RAB23: variants seen among roughly 807,000 people sequenced by gnomAD.
RAB23 encodes ras-related protein Rab-23.
RAB23 carries 15 observed loss-of-function variants against 30.0 expected under a neutral mutation model. That is an observed-to-expected ratio of 0.50 (90% CI 0.33 to 0.77). The LOEUF (loss-of-function observed/expected upper bound fraction) is 0.77. Among genes scored for constraint, RAB23 ranks in the 30% least tolerant of loss-of-function variants. The pLI, the probability that RAB23 is intolerant of heterozygous loss-of-function variation, is 0.02. For synonymous variants in RAB23, 93 were observed against 94.0 expected (o/e 0.99, Z 0.06); for missense variants, 243 against 275.4 (o/e 0.88, Z 0.83).
At position 57,190,430 on chromosome 6, in the gene RAB23, T is replaced by C. The variant is rs761761141; in HGVS notation, c.*31A>G. 4 of 1,612,108 alleles carry C rather than the reference T, an allele frequency of 2.5e-6. No individual in the cohort carries two copies. The East Asian group carries it at 8.9e-5, about 36-fold the overall frequency. ...ATGGGTTTCTTAATGCATTGCACAA[T>C]GTAATTCAATTGTTTTCCTCCCAAA... is the stretch of plus-strand genomic sequence containing the variant. On this transcript the variant is annotated 3_prime_UTR_variant, in exon 7 of 7. Transcript: ENST00000468148.
At chr6:57,200,447 G>GAATCACT (rs1317364127) in intron 3 of RAB23, among the ~76,000 whole-genome samples, 2 of 140,622 alleles carry the variant, frequency 1.4e-5, no homozygotes, top group African/African-American at 5.4e-5. Context: ...TGAGGCAGGA[G>GAATCACT]AATCACTTGA....
At chr6:57,207,519 A>T in intron 3 of RAB23, 109 bp downstream of exon 3, 1 of 738,944 alleles carries the variant, frequency 1.4e-6, no homozygotes, top group Non-Finnish European at 2.3e-6. Context: ...AAATTATTTT[A>T]ACTATTCTTC....
chr6:57,214,995 C>A (rs552947509), intron 1 of RAB23, among the ~76,000 whole-genome samples: 10 of 151,994 alleles, frequency 6.6e-5, no homozygotes, highest in Non-Finnish European at 8.8e-5. Flanking sequence ...TAAAGAAGTA[C>A]CAAATGGAAA....
chr6:57,193,074 G>T (rs998621491), intron 6 of RAB23, among the ~76,000 whole-genome samples: 3 of 152,122 alleles, frequency 2.0e-5, no homozygotes, highest in African/African-American at 4.8e-5. Context: ...TTAATCAGTA[G>T]ATATGAAGAA....
At chr6:57,205,727 G>A (rs1380295307) in intron 3 of RAB23, among the ~76,000 whole-genome samples, 2 of 152,172 alleles carry the variant, frequency 1.3e-5, no homozygotes, top group Non-Finnish European at 2.9e-5. Context: ...TTTCTCAAGG[G>A]TGAAGTACAA....
intron 1 of RAB23, among the ~76,000 whole-genome samples, chr6:57,212,948 A>G (rs1404453956): frequency 5.9e-5 from 9 of 151,954 alleles, no homozygotes; most frequent in Admixed American, 2.6e-4. Context: ...TGAGTATACG[A>G]TCAGATGGTC....
chr6:57,210,524 ACATTG>A, intron 1 of RAB23, 79 bp from the exon 2 acceptor site: 1 of 910,298 alleles, frequency 1.1e-6, no homozygotes, highest in Non-Finnish European at 1.7e-6. Flanking sequence ...AGAAATTATC[ACATTG>A]CATTGCAAGG....
Position 57,210,403 on chromosome 6 carries a change from G to A in RAB23, c.-23C>T, listed in dbSNP as rs145059995. 7.2e-4 allele frequency: 1,155 copies of A among 1,611,336 alleles called. 10 individuals carry two copies. In the African/African-American group the frequency reaches 0.014, roughly 20 times the overall value. ...CATTTTTGGAGCTGAAATGGTTTCT[G>A]TACCAACTCTAATTCTAGGAGATCA... On this transcript the variant is annotated 5_prime_UTR_variant, in exon 2 of 7. Transcript: ENST00000468148.
At chr6:57,211,659 G>A (rs1160639722) in intron 1 of RAB23, among the ~76,000 whole-genome samples, 1 of 152,158 alleles carries the variant, frequency 6.6e-6, no homozygotes, top group Admixed American at 6.5e-5. Context: ...TAATGATTTA[G>A]TGTTTGGTTT....
chr6:57,188,071 T>C lies in RAB23; in HGVS notation c.*2390A>G, dbSNP rs1764678239. 1 of 152,156 alleles carries C rather than the reference T, an allele frequency of 6.6e-6. No homozygotes were observed. The highest frequency in any genetic ancestry group is 1.5e-5 in the Non-Finnish European group (1 of 68,012). The allele number at this position is 152,156 out of a possible 1,614,324, so 9.4% of individuals were successfully genotyped here. A position where few individuals can be genotyped will look rare whatever the true frequency, so the allele number is the denominator to read the frequency against. ...TGTCTACGCAAAAGATTAGCCGTAA[T>C]GTTAAAAAAGTAGATTAGAGCACAA... On this transcript the variant is annotated 3_prime_UTR_variant, in exon 7 of 7. Coordinates refer to ENST00000468148, the MANE Select transcript of RAB23 (RefSeq NM_016277.5).
At chr6:57,216,388 C>A (rs1457756922) in intron 1 of RAB23, among the ~76,000 whole-genome samples, 1 of 152,196 alleles carries the variant, frequency 6.6e-6, no homozygotes, top group African/African-American at 2.4e-5. Flanking sequence ...AAATGGAATT[C>A]TAAAAACACA....
chr6:57,213,236 G>A (rs1313524966), intron 1 of RAB23, among the ~76,000 whole-genome samples: 1 of 152,112 alleles, frequency 6.6e-6, no homozygotes, highest in Non-Finnish European at 1.5e-5. Context: ...GGTAATGCTC[G>A]CAGCCACTCA....
At chr6:57,195,099 G>A (rs1764972373) in intron 4 of RAB23, among the ~76,000 whole-genome samples, 3 of 152,080 alleles carry the variant, frequency 2.0e-5, no homozygotes, top group African/African-American at 7.2e-5. Flanking sequence ...CACTACTCTT[G>A]AGAAATAAAC....
At chr6:57,207,910 A>G (rs1321456587) in intron 2 of RAB23, among the ~76,000 whole-genome samples, 197 bp from the exon 3 acceptor site, 2 of 152,180 alleles carry the variant, frequency 1.3e-5, no homozygotes, top group Non-Finnish European at 2.9e-5. Context: ...AGGAGTCAAA[A>G]ATGCATTTAA....
chr6:57,194,722 A>C (rs1439640028), intron 5 of RAB23, 48 bp downstream of exon 5: 1 of 1,355,260 alleles, frequency 7.4e-7, no homozygotes. Flanking sequence ...TTAAAAGCGC[A>C]AGAATAAAAT....
At position 57,190,359 on chromosome 6, in the gene RAB23, A is replaced by T; in HGVS notation, c.*102T>A. The T allele has an allele frequency of 7.3e-7, 1 of 1,372,034 alleles. No individual in the cohort carries two copies. The highest frequency in any genetic ancestry group is 1.0e-6 in the Non-Finnish European group (1 of 966,184). The allele number at this position is 1,372,034 out of a possible 1,614,324, so 85.0% of individuals were successfully genotyped here. Reference sequence around the variant, plus strand: ...AGTCTGTCACTTTCAGAGAGCCATTAGGAGCAAAGTCTGCTGAAAACCTTG... The same window carrying T: ...AGTCTGTCACTTTCAGAGAGCCATTTGGAGCAAAGTCTGCTGAAAACCTTG... On this transcript the variant is annotated 3_prime_UTR_variant, in exon 7 of 7. Coordinates refer to ENST00000468148, the MANE Select transcript of RAB23 (RefSeq NM_016277.5).
intron 1 of RAB23, among the ~76,000 whole-genome samples, chr6:57,210,833 T>C (rs888957185): frequency 6.6e-6 from 1 of 152,230 alleles, no homozygotes; most frequent in African/African-American, 2.4e-5. Flanking sequence ...CATACGGTTA[T>C]TGATCAATGA....
intron 6 of RAB23, 52 bp downstream of exon 6, chr6:57,193,790 T>C: frequency 6.3e-7 from 1 of 1,594,234 alleles, no homozygotes; most frequent in Non-Finnish European, 8.6e-7. Flanking sequence ...ATATTATATG[T>C]GTTTTTTAAC....
At chr6:57,200,226 G>C (rs1593214994) in intron 3 of RAB23, among the ~76,000 whole-genome samples, 1 of 150,772 alleles carries the variant, frequency 6.6e-6, no homozygotes, top group African/African-American at 2.4e-5. Context: ...GATGGGGGTT[G>C]GAAAGGAAAA....
Sources: allele counts gnomAD v4.1 joint callset (sites outside exome capture counted in the v4.1 genomes callset), GRCh38; gene constraint gnomAD v4.1.1; transcripts MANE v1.5; gene names NCBI Gene and HGNC (gene_info 2026-07-23, HGNC 2026-07-21).